SOX5: variants seen among roughly 807,000 people sequenced by gnomAD.
SOX5 encodes the protein transcription factor SOX-5.
In SOX5, 9 loss-of-function variants were observed where a neutral mutation model predicts 92.0. The observed-to-expected ratio is 0.10, with a 90% confidence interval of 0.06 to 0.17. The LOEUF is 0.17. SOX5 is among the 10% of genes least tolerant of loss of function. The probability of loss-of-function intolerance (pLI) is 1.00; values close to 1 mark genes in which losing one functional copy is unlikely to be tolerated. For missense variants in SOX5, 642 were observed against 944.5 expected (o/e 0.68, Z 4.20); for synonymous variants, 344 against 336.3 (o/e 1.02, Z -0.25).
intron 4 of SOX5, among the ~76,000 whole-genome samples, chr12:24,147,527 G>A (rs1235361926): frequency 1.3e-5 from 2 of 152,166 alleles, no homozygotes; most frequent in African/African-American, 4.8e-5. Context: ...AAGACAAGAT[G>A]TCCACTTTCA....
intron 1 of SOX5, among the ~76,000 whole-genome samples, chr12:24,456,862 T>C (rs1048786533): frequency 2.0e-5 from 3 of 152,208 alleles, no homozygotes; most frequent in African/African-American, 7.2e-5. Context: ...CTTTCCAGAG[T>C]GTGATTAGCA....
intron 8 of SOX5, among the ~76,000 whole-genome samples, chr12:23,611,745 T>C (rs2075989095): frequency 6.6e-6 from 1 of 151,988 alleles, no homozygotes; most frequent in African/African-American, 2.4e-5. Context: ...ACTTCAGGCA[T>C]GGATTAGGAG....
intron 1 of SOX5, among the ~76,000 whole-genome samples, chr12:24,552,715 A>C (rs1039208765): frequency 2.0e-5 from 3 of 152,232 alleles, no homozygotes; most frequent in Non-Finnish European, 4.4e-5. Flanking sequence ...AAATCGCTTT[A>C]TAGGCTGGGT....
chr12:23,652,805 T>C (rs1214953069), intron 7 of SOX5, among the ~76,000 whole-genome samples: 5 of 152,090 alleles, frequency 3.3e-5, no homozygotes, highest in African/African-American at 1.2e-4. Flanking sequence ...TCCCAGGCTC[T>C]AGTCCTCTGC....
intron 4 of SOX5, among the ~76,000 whole-genome samples, chr12:24,031,556 C>T (rs1955513498): frequency 6.6e-6 from 1 of 151,542 alleles, no homozygotes; most frequent in African/African-American, 2.4e-5. Flanking sequence ...TGGGGAGTTG[C>T]TGGTCAAAAA....
chr12:23,956,978 T>C (rs980292282), intron 4 of SOX5, among the ~76,000 whole-genome samples: 3 of 152,184 alleles, frequency 2.0e-5, no homozygotes, highest in African/African-American at 7.2e-5. Context: ...ATTGCCTAAG[T>C]CTTTAATGTC....
intron 1 of SOX5, among the ~76,000 whole-genome samples, chr12:24,559,689 C>G (rs1267136569): frequency 6.6e-6 from 1 of 152,082 alleles, no homozygotes; most frequent in Admixed American, 6.5e-5. Context: ...TAACTCACCC[C>G]CACTGAGGAC....
At chr12:23,948,837 C>G (rs1431728275) in intron 1 of SOX5, among the ~76,000 whole-genome samples, 1 of 152,028 alleles carries the variant, frequency 6.6e-6, no homozygotes, top group East Asian at 1.9e-4. Context: ...ATAGGAACAA[C>G]TTAATTACAA....
intron 4 of SOX5, among the ~76,000 whole-genome samples, chr12:24,097,829 G>A (rs912600967): frequency 6.6e-6 from 1 of 152,074 alleles, no homozygotes; most frequent in Non-Finnish European, 1.5e-5. Context: ...TTATCCTACA[G>A]TATCTCACTA....
intron 1 of SOX5, among the ~76,000 whole-genome samples, chr12:24,400,270 A>C (rs1413705981): frequency 1.3e-5 from 2 of 152,254 alleles, no homozygotes; most frequent in South Asian, 4.1e-4. Flanking sequence ...ATTAGTTTTT[A>C]AATTTTTTCA....
chr12:23,793,846 C>T (rs1260391867), intron 3 of SOX5, among the ~76,000 whole-genome samples: 1 of 152,168 alleles, frequency 6.6e-6, no homozygotes, highest in Non-Finnish European at 1.5e-5. Flanking sequence ...ACTGTCAACT[C>T]TTCTGTATTT....
chr12:23,981,163 TTC>T (rs1188369344), intron 4 of SOX5, among the ~76,000 whole-genome samples: 2 of 152,112 alleles, frequency 1.3e-5, no homozygotes, highest in African/African-American at 4.8e-5. Context: ...AATTCCACAA[TTC>T]TAATTCCACA....
Position 23,543,380 on chromosome 12 carries a change from A to G in SOX5, c.1602T>C (p.Ser534=). 1 of 1,613,100 alleles carries G rather than the reference A, an allele frequency of 6.2e-7. No individual in the cohort carries two copies. Among genetic ancestry groups the G allele is most frequent in the Non-Finnish European group, 8.5e-7 (1 of 1,179,324 alleles). Reference sequence around the variant, plus strand: ...AAATTCTTGACTCTGAGACTCCAGCACTTCCTGAAAACAGGAAACATCACT... The same window carrying G: ...AAATTCTTGACTCTGAGACTCCAGCGCTTCCTGAAAACAGGAAACATCACT... ...DFNLSGDSDG[S]AGVSESRIYR... is the part of the protein sequence containing the mutation. Residue 534 remains serine (S), a synonymous_variant, in exon 13 of 15, where the codon AGT becomes AGC. Transcript: ENST00000451604.
intron 4 of SOX5, among the ~76,000 whole-genome samples, chr12:24,031,784 T>C (rs371037699): frequency 2.0e-5 from 3 of 151,732 alleles, no homozygotes; most frequent in South Asian, 4.1e-4. Flanking sequence ...AACTTAGCAA[T>C]TGAGTATGGC....
intron 1 of SOX5, among the ~76,000 whole-genome samples, chr12:24,520,125 GACAA>G (rs1376227476): frequency 2.0e-5 from 3 of 151,660 alleles, no homozygotes; most frequent in South Asian, 2.1e-4. Context: ...GACTTTCCCA[GACAA>G]ACAAACACTT....
chr12:24,341,266 C>A (rs1350502708), intron 2 of SOX5, among the ~76,000 whole-genome samples: 1 of 151,890 alleles, frequency 6.6e-6, no homozygotes, highest in Non-Finnish European at 1.5e-5. Flanking sequence ...CACTTGAGCC[C>A]AATGGTTCAA....
intron 6 of SOX5, among the ~76,000 whole-genome samples, chr12:23,724,297 C>T (rs79214741): frequency 1.3e-5 from 2 of 152,106 alleles, no homozygotes; most frequent in Admixed American, 6.6e-5. Flanking sequence ...CACACACATA[C>T]ACACAGGCCT....
At chr12:23,969,175 T>G (rs2140114051) in intron 4 of SOX5, among the ~76,000 whole-genome samples, 1 of 152,310 alleles carries the variant, frequency 6.6e-6, no homozygotes, top group South Asian at 2.1e-4. Flanking sequence ...CTCCAAGTCT[T>G]TCTAGTTCTA....
chr12:24,024,507 T>G (rs914497655), intron 4 of SOX5, among the ~76,000 whole-genome samples: 2 of 152,038 alleles, frequency 1.3e-5, no homozygotes, highest in East Asian at 3.9e-4. Flanking sequence ...GTAAGTAGTA[T>G]AGCTTAAAAA....
Sources: gnomAD v4.1 joint callset for allele counts (sites outside exome capture counted in the v4.1 genomes callset) on GRCh38, gnomAD v4.1.1 for gene constraint, MANE v1.5 for transcripts, NCBI Gene and HGNC (gene_info 2026-07-23, HGNC 2026-07-21) for gene names.